Variants in SENP6 observed in about 807,000 individuals in gnomAD.
SENP6 encodes the protein sentrin-specific protease 6.
Under a neutral mutation model 134.5 loss-of-function variants are expected in SENP6, and 41 were observed. That is an observed-to-expected ratio of 0.30 (90% CI 0.24 to 0.40). SENP6 has a LOEUF of 0.40. Among genes scored for constraint, SENP6 ranks in the 10% least tolerant of loss-of-function variants. The pLI is 1.00. For synonymous variants in SENP6, 395 were observed against 429.8 expected (o/e 0.92, Z 1.00); for missense variants, 1,248 against 1,312.5 (o/e 0.95, Z 0.76).
intron 1 of SENP6, among the ~76,000 whole-genome samples, chr6:75,604,076 A>T (rs558916743): frequency 1.3e-5 from 2 of 152,334 alleles, no homozygotes; most frequent in South Asian, 4.1e-4. Flanking sequence ...CAGTATGCAG[A>T]TGATTATACT....
rs761225429 is a variant in SENP6 at position 75,709,560 on chromosome 6, A to G, written c.2750A>G (p.Asp917Gly). ...GLSKIRLNYS[D>G]ESPEAGKMLE... ...AGCAAAATCAGACTAAACTATAGCGATGAATCACCTGAAGCTGGTAAAATG... is the reference window on the plus strand; with the variant it reads ...AGCAAAATCAGACTAAACTATAGCGGTGAATCACCTGAAGCTGGTAAAATG... Residue 917 changes from aspartate to glycine, a missense_variant, in exon 20 of 24, where the codon GAT becomes GGT. Asp to Gly is a moderately conservative substitution (Grantham distance 94). Coordinates refer to ENST00000447266, the MANE Select transcript of SENP6 (RefSeq NM_015571.4). 2.2e-5 allele frequency: 36 copies of G among 1,614,026 alleles called. No homozygotes were observed. The highest frequency in any genetic ancestry group is 3.0e-5 in the Non-Finnish European group (35 of 1,179,920).
intron 16 of SENP6, chr6:75,679,316 A>C (rs7762917): frequency 0.23 from 37,994 of 166,508 alleles, 5,615 homozygotes; most frequent in Non-Finnish European, 0.34. Context: ...TCAGACAGGA[A>C]GATTACCTGA....
chr6:75,689,023 G>A (rs1209953837), intron 16 of SENP6, among the ~76,000 whole-genome samples: 4 of 152,288 alleles, frequency 2.6e-5, no homozygotes, highest in Admixed American at 1.3e-4. Flanking sequence ...CCGAGATCAT[G>A]CCATTGAACT....
intron 5 of SENP6, among the ~76,000 whole-genome samples, chr6:75,635,251 T>C (rs1413706609): frequency 6.6e-6 from 1 of 152,162 alleles, no homozygotes; most frequent in Admixed American, 6.5e-5. Context: ...TTTGTAGTTG[T>C]AGTTAGATTT....
intron 1 of SENP6, chr6:75,611,839 C>T (rs1341518925): frequency 5.9e-5 from 9 of 152,168 alleles, no homozygotes; most frequent in Admixed American, 5.9e-4. Context: ...GACTAACGAA[C>T]TGAACTGACT....
chr6:75,644,820 G>A (rs1471179003), intron 6 of SENP6, among the ~76,000 whole-genome samples: 1 of 152,184 alleles, frequency 6.6e-6, no homozygotes, highest in African/African-American at 2.4e-5. Flanking sequence ...GTTCGTAATA[G>A]TGTACCAGTG....
chr6:75,673,215 A>G (rs1018915209), intron 11 of SENP6, among the ~76,000 whole-genome samples: 5 of 152,156 alleles, frequency 3.3e-5, no homozygotes, highest in African/African-American at 1.2e-4. Context: ...GGAATACCAC[A>G]TATGCACAAA....
chr6:75,690,950 C>G (rs1774200381), intron 16 of SENP6, among the ~76,000 whole-genome samples: 1 of 151,498 alleles, frequency 6.6e-6, no homozygotes. Flanking sequence ...CCCCCTGCCC[C>G]CCATCAGCTT....
intron 1 of SENP6, among the ~76,000 whole-genome samples, chr6:75,603,905 T>C (rs189026278): frequency 2.0e-5 from 3 of 152,212 alleles, no homozygotes; most frequent in African/African-American, 7.2e-5. Flanking sequence ...GAAAAGCTTC[T>C]GAGTTTTTCT....
intron 6 of SENP6, chr6:75,647,463 T>C (rs540746633): frequency 2.3e-4 from 56 of 243,742 alleles, no homozygotes; most frequent in African/African-American, 1.2e-3. Context: ...TTTTTTGTTC[T>C]GATTTTGGAA....
intron 16 of SENP6, among the ~76,000 whole-genome samples, chr6:75,694,557 C>T (rs750774535): frequency 5.3e-5 from 8 of 152,158 alleles, no homozygotes; most frequent in Non-Finnish European, 8.8e-5. Context: ...TTCTTCCAAT[C>T]CCTCCTCCAG....
chr6:75,701,763 C>T (rs1333483218), intron 18 of SENP6, among the ~76,000 whole-genome samples: 8 of 151,400 alleles, frequency 5.3e-5, no homozygotes, highest in Non-Finnish European at 1.0e-4. Flanking sequence ...CCTCAGCCTC[C>T]CAAGTAGCTG....
intron 9 of SENP6, among the ~76,000 whole-genome samples, chr6:75,664,343 A>G (rs991696779): frequency 3.9e-5 from 6 of 152,068 alleles, no homozygotes; most frequent in African/African-American, 1.4e-4. Context: ...TTTCATTAAA[A>G]ATATAGTTCA....
chr6:75,646,427 A>T (rs115794660), intron 6 of SENP6: 2 of 152,102 alleles, frequency 1.3e-5, no homozygotes, highest in Admixed American at 6.5e-5. Context: ...TTGCATTTCA[A>T]TTTTTTCATG....
chr6:75,677,100 A>G lies in SENP6; in HGVS notation c.1692A>G (p.Glu564=). 2 of 1,608,124 alleles carry G rather than the reference A, an allele frequency of 1.2e-6. No homozygotes were observed. The highest frequency in any genetic ancestry group is 1.7e-6 in the Non-Finnish European group (2 of 1,175,402). The change falls in exon 14 of 24, where the codon GAA becomes GAG. Residue 564 remains glutamate, a synonymous_variant. Coordinates refer to ENST00000447266, the MANE Select transcript of SENP6 (RefSeq NM_015571.4). The part of the protein sequence containing the change: ...GLDPPANMVF[E]SIINEIGIKN... ...ATCCTCCGGCAAATATGGTATTTGA[A>G]AGTATCATTAATGAAATTGGTATAA...
intron 10 of SENP6, 31 bp downstream of exon 10, chr6:75,666,972 G>A: frequency 6.9e-7 from 1 of 1,445,326 alleles, no homozygotes; most frequent in Non-Finnish European, 9.5e-7. Context: ...CATTTGTTCA[G>A]ATTAATGCCT....
At chr6:75,664,354 TG>T (rs1397137129) in intron 9 of SENP6, among the ~76,000 whole-genome samples, 3 of 152,180 alleles carry the variant, frequency 2.0e-5, no homozygotes, top group Non-Finnish European at 2.9e-5. Flanking sequence ...ATATAGTTCA[TG>T]GGCCTTTTTA....
chr6:75,677,047 A>G lies in SENP6; in HGVS notation c.1639A>G (p.Ile547Val), dbSNP rs935976489. 1.4e-5 allele frequency: 21 copies of G among 1,515,858 alleles called. No homozygotes were observed. The highest frequency in any genetic ancestry group is 1.8e-5 in the Non-Finnish European group (20 of 1,098,706). 93.9% of individuals were successfully genotyped at this position (1,515,858 alleles called of 1,614,324 possible). Residue 547 changes from isoleucine (I) to valine (V), a missense_variant, in exon 14 of 24, where the codon ATA (isoleucine) becomes GTA (valine). Ile to Val is a conservative substitution (Grantham distance 29, BLOSUM62 3). Around this residue, in one of 3 missense-constraint regions of SENP6, gnomAD observed 733 missense variants for 725.4 expected, o/e 1.01. Transcript: ENST00000447266. ...NKLTNLEEQY[I>V]ILIFQNGLDP... is the part of the protein sequence containing the mutation. ...CTTTTCAGATTTAGAAGAACAATAT[A>G]TAATTTTAATTTTTCAAAATGGCCT...
At chr6:75,624,010 T>C (rs939269398) in intron 3 of SENP6, 50 bp downstream of exon 3, 1 of 1,415,210 alleles carries the variant, frequency 7.1e-7, no homozygotes, top group South Asian at 1.2e-5. Context: ...TACAAAAAAA[T>C]TGTTACCTCA....
Sources: allele counts gnomAD v4.1 joint callset (sites outside exome capture counted in the v4.1 genomes callset), GRCh38; gene constraint gnomAD v4.1.1; regional missense constraint gnomAD v4.1.1; transcripts MANE v1.5; gene names NCBI Gene and HGNC (gene_info 2026-07-23, HGNC 2026-07-21).